Variants in EXOC2 observed in about 807,000 individuals in gnomAD.
EXOC2 encodes the protein exocyst complex component 2, also known as SEC5-like 1.
In EXOC2, 70 loss-of-function variants were observed where a neutral mutation model predicts 131.8. The ratio of observed to expected loss-of-function variants is 0.53; its 90% CI spans 0.44 to 0.65. EXOC2 has a LOEUF of 0.65. Ranked by LOEUF, EXOC2 falls within the 30% of genes least tolerant of loss-of-function variation. The pLI is 0.00. For missense variants in EXOC2, 923 were observed against 1,108.6 expected (o/e 0.83, Z 2.38); for synonymous variants, 411 against 398.4 (o/e 1.03, Z -0.38).
chr6:535,297 C>A (rs779261169), intron 22 of EXOC2, among the ~76,000 whole-genome samples: 4 of 152,020 alleles, frequency 2.6e-5, no homozygotes, highest in Non-Finnish European at 5.9e-5. Flanking sequence ...CCCAGGAGAT[C>A]GAGGCTGCAG....
intron 11 of EXOC2, among the ~76,000 whole-genome samples, chr6:584,803 T>G (rs1414772736): frequency 6.6e-6 from 1 of 152,264 alleles, no homozygotes; most frequent in Non-Finnish European, 1.5e-5. Context: ...AAGTTCTAAT[T>G]AAGTGCATCT....
intron 17 of EXOC2, among the ~76,000 whole-genome samples, chr6:561,519 C>T (rs537366363): frequency 9.9e-5 from 15 of 152,192 alleles, no homozygotes; most frequent in Non-Finnish European, 1.6e-4. Flanking sequence ...TAAATCTGGG[C>T]AAGTCAAGAC....
At chr6:669,616 G>A (rs1763771906) in intron 1 of EXOC2, 1 of 152,368 alleles carries the variant, frequency 6.6e-6, no homozygotes, top group African/African-American at 2.4e-5. Context: ...AGAAAATGTG[G>A]GAAGAGCAGG....
At chr6:594,079 G>A (rs3823134) in intron 10 of EXOC2, among the ~76,000 whole-genome samples, 1 of 152,334 alleles carries the variant, frequency 6.6e-6, no homozygotes, top group East Asian at 1.9e-4. Flanking sequence ...AACAGGATGT[G>A]TCTCTGTGCT....
At chr6:488,131 G>GC (rs1763192579) in intron 27 of EXOC2, among the ~76,000 whole-genome samples, 6 of 152,202 alleles carry the variant, frequency 3.9e-5, no homozygotes, top group Admixed American at 2.0e-4. Context: ...GGGCGGCGAT[G>GC]CCCCCGGGGA....
At chr6:580,310 G>A (rs921004536) in intron 11 of EXOC2, among the ~76,000 whole-genome samples, 2 of 152,128 alleles carry the variant, frequency 1.3e-5, no homozygotes, top group Admixed American at 6.5e-5. Flanking sequence ...CAGGTGCTGG[G>A]ATTACAGGAG....
At chr6:535,373 T>C (rs1307842899) in intron 22 of EXOC2, among the ~76,000 whole-genome samples, 1 of 151,902 alleles carries the variant, frequency 6.6e-6, no homozygotes, top group Admixed American at 6.6e-5. Flanking sequence ...TCTTAAAAAA[T>C]TTGAAATTTT....
At chr6:605,549 T>C (rs1021177680) in intron 7 of EXOC2, among the ~76,000 whole-genome samples, 1 of 152,206 alleles carries the variant, frequency 6.6e-6, no homozygotes, top group Non-Finnish European at 1.5e-5. Context: ...GGTGGTGATA[T>C]CCCCTTTATC....
At chr6:547,858 A>G (rs1168937553) in intron 22 of EXOC2, among the ~76,000 whole-genome samples, 9 of 152,198 alleles carry the variant, frequency 5.9e-5, no homozygotes, top group Admixed American at 4.6e-4. Context: ...ATATGAAAAA[A>G]TCTTTTTAAG....
At chr6:504,237 C>T (rs763984674) in intron 23 of EXOC2, among the ~76,000 whole-genome samples, 14 of 152,204 alleles carry the variant, frequency 9.2e-5, no homozygotes, top group South Asian at 2.1e-4. Context: ...ATGCAGGGCT[C>T]GCCTGCGGCC....
intron 22 of EXOC2, among the ~76,000 whole-genome samples, chr6:537,463 GCCGACGGAGCGTACACTCAAGATGATGA>G (rs1219031991): frequency 2.1e-5 from 3 of 141,832 alleles, no homozygotes; most frequent in East Asian, 2.2e-4. Context: ...CGAGTTGATG[GCCGACGGAGCGTACACTCAAGATGATGA>G]CCGACGGAGC....
rs1758344485 is a variant in EXOC2 at position 572,580 on chromosome 6, G to A, written c.1383C>T (p.Ser461=). 1 of 1,614,050 alleles carries A rather than the reference G, an allele frequency of 6.2e-7. No homozygotes were observed. Among genetic ancestry groups the A allele is most frequent in the Non-Finnish European group, 8.5e-7 (1 of 1,180,038 alleles). ...AGAGTTTCCAGAAGTTAGGCAGCTG[G>A]CTCAAGACGAGTTTTGTCAATTTTT... ...FVEKLTKLVL[S]QLPNFWKLWI... is the part of the protein sequence containing the mutation. The change falls in exon 13 of 28, where the codon AGC becomes AGT. Residue 461 remains serine, a synonymous_variant. Transcript: ENST00000230449.
chr6:563,282 G>A (rs1360301618), intron 16 of EXOC2, among the ~76,000 whole-genome samples: 1 of 152,170 alleles, frequency 6.6e-6, no homozygotes, highest in African/African-American at 2.4e-5. Flanking sequence ...CTAAGGGAAT[G>A]CCACCTGCTC....
intron 1 of EXOC2, 149 bp from the exon 2 acceptor site, chr6:638,010 C>A: frequency 1.8e-6 from 1 of 561,802 alleles, no homozygotes; most frequent in Non-Finnish European, 3.1e-6. Flanking sequence ...AGCCAATCAG[C>A]CAACATCTAC....
chr6:692,499 C>G (rs563913501), intron 1 of EXOC2, among the ~76,000 whole-genome samples: 5 of 152,372 alleles, frequency 3.3e-5, no homozygotes, highest in Admixed American at 6.5e-5. Flanking sequence ...GGTCACACGG[C>G]AGCGTACATA....
intron 1 of EXOC2, among the ~76,000 whole-genome samples, chr6:691,158 C>A (rs968970602): frequency 6.6e-6 from 1 of 152,178 alleles, no homozygotes; most frequent in Non-Finnish European, 1.5e-5. Context: ...ATTAAAAGTT[C>A]TTTGCTAGAA....
chr6:612,150 C>G (rs1335701694), intron 6 of EXOC2, among the ~76,000 whole-genome samples: 1 of 152,208 alleles, frequency 6.6e-6, no homozygotes, highest in Non-Finnish European at 1.5e-5. Context: ...CAGGAATATT[C>G]AAGCCGGATG....
intron 4 of EXOC2, among the ~76,000 whole-genome samples, chr6:621,323 C>T (rs1234723456): frequency 6.6e-6 from 1 of 152,234 alleles, no homozygotes; most frequent in Non-Finnish European, 1.5e-5. Context: ...TACCCCAGCT[C>T]TCCCCACAGA....
At chr6:692,571 A>C (rs1460787003) in intron 1 of EXOC2, among the ~76,000 whole-genome samples, 2 of 152,270 alleles carry the variant, frequency 1.3e-5, no homozygotes, top group African/African-American at 4.8e-5. Context: ...GCGCCTTTTA[A>C]GCGCTCAGGA....
Sources: allele counts gnomAD v4.1 joint callset (sites outside exome capture counted in the v4.1 genomes callset), GRCh38; gene constraint gnomAD v4.1.1; transcripts MANE v1.5; gene names NCBI Gene and HGNC (gene_info 2026-07-23, HGNC 2026-07-21).